The following IFT81 variants were observed in gnomAD, a reference collection of about 807,000 sequenced individuals.
IFT81 encodes the protein intraflagellar transport protein 81 homolog.
Under a neutral mutation model 102.6 loss-of-function variants are expected in IFT81, and 72 were observed. That is an observed-to-expected ratio of 0.70 (90% confidence interval 0.58 to 0.85). The LOEUF (loss-of-function observed/expected upper bound fraction) is 0.85. Ranked by LOEUF, IFT81 falls within the 40% of genes least tolerant of loss-of-function variation. The pLI is 0.00. For synonymous variants in IFT81, 237 were observed against 242.7 expected, an observed-to-expected ratio of 0.98 and a Z score of 0.22; for missense variants, 723 against 787.3, an observed-to-expected ratio of 0.92 and a Z score of 0.98.
At chr12:110,130,981 C>T (rs763364334) in intron 4 of IFT81, among the ~76,000 whole-genome samples, 2 of 151,938 alleles carry the variant, frequency 1.3e-5, no homozygotes, top group Non-Finnish European at 2.9e-5. Context: ...TTCTGTCATT[C>T]CCCATCAAAA....
chr12:110,199,656 T>C (rs1898174091), intron 14 of IFT81, among the ~76,000 whole-genome samples: 2 of 152,198 alleles, frequency 1.3e-5, no homozygotes, highest in Admixed American at 1.3e-4. Flanking sequence ...ACTTTCACCT[T>C]TGAGAGCCTT....
intron 10 of IFT81, among the ~76,000 whole-genome samples, chr12:110,153,131 T>C (rs1284992408): frequency 6.6e-6 from 1 of 152,248 alleles, no homozygotes; most frequent in Non-Finnish European, 1.5e-5. Context: ...AACAGTCTTA[T>C]GCTGTTCCCT....
intron 2 of IFT81, 75 bp downstream of exon 2, chr12:110,127,599 C>T: frequency 3.7e-6 from 5 of 1,344,954 alleles, no homozygotes; most frequent in Non-Finnish European, 5.0e-6. Context: ...GAGTCTTGGG[C>T]ACATTATTTA....
At chr12:110,143,301 G>T in intron 8 of IFT81, 81 bp from the exon 9 acceptor site, 5 of 826,768 alleles carry the variant, frequency 6.0e-6, no homozygotes, top group Non-Finnish European at 8.2e-6. Flanking sequence ...GCCGTATCCA[G>T]GTCTTATATT....
At chr12:110,132,376 C>G (rs906150214) in intron 4 of IFT81, among the ~76,000 whole-genome samples, 171 bp from the exon 5 acceptor site, 1 of 150,864 alleles carries the variant, frequency 6.6e-6, no homozygotes, top group Admixed American at 6.6e-5. Context: ...AGGAGAATCG[C>G]TTGAATCTGG....
chr12:110,208,440 A>G (rs1868969842), intron 17 of IFT81, among the ~76,000 whole-genome samples: 2 of 152,268 alleles, frequency 1.3e-5, no homozygotes, highest in Admixed American at 1.3e-4. Flanking sequence ...AGGGAGGTGG[A>G]GGCTACAATG....
At chr12:110,200,383 A>C (rs961073933) in intron 14 of IFT81, among the ~76,000 whole-genome samples, 1 of 152,068 alleles carries the variant, frequency 6.6e-6, no homozygotes, top group African/African-American at 2.4e-5. Flanking sequence ...AATGGTAAGT[A>C]TTTGTGTATC....
chr12:110,213,695 A>C (rs1869747275), intron 18 of IFT81, among the ~76,000 whole-genome samples: 2 of 152,322 alleles, frequency 1.3e-5, no homozygotes, highest in South Asian at 4.1e-4. Flanking sequence ...TAACTGCTTG[A>C]TTCACTATTT....
intron 18 of IFT81, among the ~76,000 whole-genome samples, chr12:110,214,391 C>T (rs1483942002): frequency 6.6e-6 from 1 of 151,984 alleles, no homozygotes; most frequent in African/African-American, 2.4e-5. Context: ...CTTCTTAATC[C>T]TCAAACTTCT....
chr12:110,169,152 A>G (rs1206104355), intron 11 of IFT81: 1 of 148,900 alleles, frequency 6.7e-6, no homozygotes, highest in Non-Finnish European at 1.5e-5. Flanking sequence ...TGCCTAGATG[A>G]TCAGCTCCTA....
intron 11 of IFT81, chr12:110,168,629 G>A (rs546591249): frequency 5.7e-6 from 1 of 175,104 alleles, no homozygotes; most frequent in African/African-American, 2.4e-5. Flanking sequence ...CCACATGAGG[G>A]TGACTAAAAT....
In IFT81 at chr12:110,169,023, C is replaced by CCTTCCTT. The variant is rs1896594214; in HGVS notation, c.1188+5959_1188+5960insTTCCTTC. On this transcript the variant is annotated intron_variant, in intron 11 of 18. Coordinates refer to ENST00000242591, the MANE Select transcript of IFT81 (RefSeq NM_014055.4). The stretch of plus-strand genomic sequence containing the variant: ...TTTGTCTTTCTTTCTTTTCCTTCCT[C>CCTTCCTT]CCTTCCTTCCTTCCTTCCTTCCTTC... The CCTTCCTT allele has an allele frequency of 4.9e-4, 56 of 115,418 alleles. No homozygotes were observed. In the South Asian group the frequency reaches 0.011, roughly 23 times the overall value. 7.1% of individuals were successfully genotyped at this position (115,418 alleles called of 1,614,324 possible).
chr12:110,210,076 T>C (rs1869210947), intron 18 of IFT81, among the ~76,000 whole-genome samples: 1 of 152,166 alleles, frequency 6.6e-6, no homozygotes, highest in Non-Finnish European at 1.5e-5. Context: ...ACCAACTGAT[T>C]AGTTAGTCTA....
At chr12:110,178,372 C>T (rs1213862045) in intron 11 of IFT81, among the ~76,000 whole-genome samples, 8 of 146,542 alleles carry the variant, frequency 5.5e-5, no homozygotes, top group Non-Finnish European at 1.0e-4. Flanking sequence ...GGAGATTGTG[C>T]GGCTGCACTC....
At chr12:110,161,739 C>G (rs1185085330) in intron 10 of IFT81, among the ~76,000 whole-genome samples, 1 of 152,080 alleles carries the variant, frequency 6.6e-6, no homozygotes, top group Non-Finnish European at 1.5e-5. Context: ...CAGACGTGAG[C>G]CACTGCACCC....
At chr12:110,141,244 G>T (rs1218105080) in intron 8 of IFT81, among the ~76,000 whole-genome samples, 1 of 151,740 alleles carries the variant, frequency 6.6e-6, no homozygotes, top group Non-Finnish European at 1.5e-5. Flanking sequence ...CTCCATGTTG[G>T]TCAGGCTGGT....
intron 3 of IFT81, among the ~76,000 whole-genome samples, 160 bp from the exon 4 acceptor site, chr12:110,128,786 CAAAA>C (rs59756924): frequency 4.4e-5 from 3 of 68,762 alleles, no homozygotes; most frequent in Non-Finnish European, 5.5e-5. Context: ...GACCCTGTCT[CAAAA>C]AAAAAAAAAA....
At chr12:110,207,099 G>A (rs536849952) in intron 17 of IFT81, among the ~76,000 whole-genome samples, 1 of 151,128 alleles carries the variant, frequency 6.6e-6, no homozygotes, top group South Asian at 2.1e-4. Flanking sequence ...GCACGATCTC[G>A]GCTCACTGCA....
intron 11 of IFT81, among the ~76,000 whole-genome samples, chr12:110,179,798 A>G: frequency 7.3e-6 from 1 of 137,638 alleles, no homozygotes; most frequent in South Asian, 2.3e-4. Flanking sequence ...ACACACACAC[A>G]CACACACATT....
Sources: allele counts gnomAD v4.1 joint callset (sites outside exome capture counted in the v4.1 genomes callset), GRCh38; gene constraint gnomAD v4.1.1; transcripts MANE v1.5; gene names NCBI Gene and HGNC (gene_info 2026-07-23, HGNC 2026-07-21).